Variants in EFCC1 observed in about 807,000 individuals in gnomAD.
EFCC1 encodes EF-hand and coiled-coil domain-containing protein 1.
EFCC1 carries 50 observed loss-of-function variants against 52.1 expected under a neutral mutation model. That is an observed-to-expected ratio of 0.96 (90% CI 0.76 to 1.21). The LOEUF is 1.21. Among genes scored for constraint, EFCC1 ranks in the 50% most tolerant of loss-of-function variants. The pLI is 0.00. For missense variants in EFCC1, 837 were observed against 867.3 expected, an observed-to-expected ratio of 0.97 and a Z score of 0.44; for synonymous variants, 399 against 396.5, an observed-to-expected ratio of 1.01 and a Z score of -0.08.
rs775140123 is a variant in EFCC1 at position 129,039,841 on chromosome 3, C to T, written c.1793C>T (p.Ser598Phe). The change falls in exon 8 of 8, where the codon TCC becomes TTC. Residue 598 changes from serine to phenylalanine, a missense_variant. Coordinates refer to ENST00000683648, the MANE Select transcript of EFCC1 (RefSeq NM_001377500.1). ...AAALTNPLLV[S>F]C is the part of the protein sequence containing the mutation. Reference sequence around the variant, plus strand: ...GCGCTCACCAACCCCCTCCTCGTCTCCTGCTGAGGTTACTGGCCCACCCTG... The same window carrying T: ...GCGCTCACCAACCCCCTCCTCGTCTTCTGCTGAGGTTACTGGCCCACCCTG... 7.5e-6 allele frequency: 12 copies of T among 1,604,086 alleles called. No homozygotes were observed. In the Admixed American group the frequency reaches 2.0e-4, roughly 27 times the overall value.
In EFCC1 at chr3:129,039,785, A is replaced by C; in HGVS notation, c.1737A>C (p.Arg579Ser). The stretch of plus-strand genomic sequence containing the variant: ...TGGCTGCCTGCCAGCTGTTGCGGAG[A>C]CAGCCCTCGGCACCAGCCTCTGCAG... ...QALAACQLLRRQPSAPASAAA... is the reference protein window; with the variant it reads ...QALAACQLLRSQPSAPASAAA... The change falls in exon 8 of 8, where the codon AGA becomes AGC. Residue 579 changes from arginine to serine, a missense_variant. Arg to Ser is a moderately radical substitution (Grantham distance 110). Transcript: ENST00000683648. 1 of 1,612,036 alleles carries C rather than the reference A, an allele frequency of 6.2e-7. No individual in the cohort carries two copies. Among genetic ancestry groups the C allele is most frequent in the Non-Finnish European group, 8.5e-7 (1 of 1,178,934 alleles).
chr3:129,004,536 A>G (rs942885280), intron 2 of EFCC1, among the ~76,000 whole-genome samples: 1 of 24,166 alleles, frequency 4.1e-5, no homozygotes, highest in East Asian at 9.8e-4. Context: ...CCATCCCCCC[A>G]CCCACCCAGC....
chr3:129,037,109 C>T lies in EFCC1; in HGVS notation c.1585C>T (p.Arg529Trp), dbSNP rs139451779. The T allele has an allele frequency of 8.1e-6, 13 of 1,607,100 alleles. No individual in the cohort carries two copies. The highest frequency in any genetic ancestry group is 5.3e-5 in the African/African-American group (4 of 74,858). The change falls in exon 6 of 8, where the codon CGG (arginine) becomes TGG (tryptophan). Residue 529 changes from arginine (R) to tryptophan (W), a missense_variant. Coordinates refer to ENST00000683648, the MANE Select transcript of EFCC1 (RefSeq NM_001377500.1). ...CGTGCTGCAGCTCCTGCAGAGGCTCCGGGACCTGGTAGGCTCACGGGAGAG... is the reference window on the plus strand; with the variant it reads ...CGTGCTGCAGCTCCTGCAGAGGCTCTGGGACCTGGTAGGCTCACGGGAGAG... ...VDVLQLLQRLRDLNISKRALG... is the reference protein window; with the variant it reads ...VDVLQLLQRLWDLNISKRALG...
chr3:129,004,098 TG>T, intron 2 of EFCC1, 21 bp downstream of exon 2: 1 of 1,472,408 alleles, frequency 6.8e-7, no homozygotes, highest in Non-Finnish European at 8.9e-7. Context: ...GCGCGTGCCC[TG>T]GGCCCAAGTT....
At chr3:129,003,680 A>G in intron 1 of EFCC1, 114 bp from the exon 2 acceptor site, 1 of 1,054,448 alleles carries the variant, frequency 9.5e-7, no homozygotes, top group Non-Finnish European at 1.2e-6. Context: ...GGCGCAAGAA[A>G]CGTGCTCAAG....
intron 2 of EFCC1, among the ~76,000 whole-genome samples, chr3:129,025,410 A>G (rs112625587): frequency 9.9e-5 from 15 of 152,280 alleles, no homozygotes; most frequent in African/African-American, 3.1e-4. Flanking sequence ...CTGATGTCCA[A>G]TCCTTTCTCT....
At position 129,002,124 on chromosome 3, in the gene EFCC1, C is replaced by G. The variant is rs1344347252; in HGVS notation, c.496C>G (p.Leu166Val). 2.0e-6 allele frequency: 3 copies of G among 1,476,690 alleles called. No individual in the cohort carries two copies. Among genetic ancestry groups the G allele is most frequent in the African/African-American group, 1.5e-5 (1 of 67,630 alleles). 91.5% of individuals were successfully genotyped at this position (1,476,690 alleles called of 1,614,324 possible). Residue 166 changes from leucine (L) to valine (V), a missense_variant, in exon 1 of 8, where the codon CTC (leucine) becomes GTC (valine). By Grantham distance (32) the Leu-to-Val change is conservative. Coordinates refer to ENST00000683648, the MANE Select transcript of EFCC1 (RefSeq NM_001377500.1). Reference sequence around the variant, plus strand: ...GGGGCCCCGGCTGCCCCGCGGCGCTCTCAGCGAGCACATCGAGACGCAGAT... The same window carrying G: ...GGGGCCCCGGCTGCCCCGCGGCGCTGTCAGCGAGCACATCGAGACGCAGAT... ...RAGPRLPRGA[L>V]SEHIETQIRL...
chr3:129,029,628 A>G (rs1178224857), intron 2 of EFCC1, among the ~76,000 whole-genome samples: 1 of 150,856 alleles, frequency 6.6e-6, no homozygotes, highest in Non-Finnish European at 1.5e-5. Flanking sequence ...CCCAGGCTGG[A>G]GTGCAGTGGT....
chr3:129,005,908 G>C (rs1341819491), intron 2 of EFCC1, among the ~76,000 whole-genome samples: 1 of 152,270 alleles, frequency 6.6e-6, no homozygotes, highest in Non-Finnish European at 1.5e-5. Context: ...TATCCAAGAG[G>C]AGAAATAAAG....
In EFCC1 at chr3:129,030,826, A is replaced by G. The variant is rs1296027775; in HGVS notation, c.1104A>G (p.Ser368=). ...CCACTCCAGAGGGAGCCTGGCAGTCAGACAGCAGCTCTGGAAGCAGAGCCC... is the reference window on the plus strand; with the variant it reads ...CCACTCCAGAGGGAGCCTGGCAGTCGGACAGCAGCTCTGGAAGCAGAGCCC... The part of the protein sequence containing the change: ...PDPTPEGAWQ[S]DSSSGSRALD... The change falls in exon 3 of 8, where the codon TCA becomes TCG. Residue 368 remains serine (S), a synonymous_variant. Coordinates refer to ENST00000683648, the MANE Select transcript of EFCC1 (RefSeq NM_001377500.1). 3.9e-6 allele frequency: 6 copies of G among 1,551,534 alleles called. No homozygotes were observed. The highest frequency in any genetic ancestry group is 5.2e-6 in the Non-Finnish European group (6 of 1,146,892).
chr3:129,031,028 C>T (rs1946261992), intron 3 of EFCC1, among the ~76,000 whole-genome samples, 168 bp downstream of exon 3: 1 of 152,210 alleles, frequency 6.6e-6, no homozygotes, highest in Non-Finnish European at 1.5e-5. Context: ...CCAGCCCCAT[C>T]ATCCTAAGAA....
chr3:129,010,788 A>G lies in EFCC1; in HGVS notation c.980+6711A>G, dbSNP rs1405742656. ...GGGTGTGTGGGTGGCCTTGGTGAGA[A>G]AAGAGGCCTTTCCTCCTCCAGGAAC... is the stretch of plus-strand genomic sequence containing the variant. On this transcript the variant is annotated intron_variant, in intron 2 of 7. Coordinates refer to ENST00000683648, the MANE Select transcript of EFCC1 (RefSeq NM_001377500.1). The surrounding 1 kb of genome is among the most constrained non-coding windows in gnomAD (Gnocchi z 4.3). 1.3e-5 allele frequency among the ~76,000 whole-genome samples: 2 copies of G among 152,094 alleles called. No homozygotes were observed. Among genetic ancestry groups the G allele is most frequent in the Non-Finnish European group, 2.9e-5 (2 of 68,004 alleles).
rs573339069 is a variant in EFCC1, at chr3:129,024,696, C to T, written c.981-6007C>T. On this transcript the variant is annotated intron_variant, in intron 2 of 7. Coordinates refer to ENST00000683648, the MANE Select transcript of EFCC1 (RefSeq NM_001377500.1). ...AGGGAGAGAGGGAGACAAACGCATT[C>T]CTGTATCTGGAGCCCACTCCTGCAG... is the stretch of plus-strand genomic sequence containing the variant. Among the ~76,000 whole-genome samples, 38 of 152,194 alleles carry T rather than the reference C, an allele frequency of 2.5e-4. 1 individual carries two copies. The highest frequency in any genetic ancestry group is 8.3e-4 in the South Asian group (4 of 4,816).
intron 2 of EFCC1, among the ~76,000 whole-genome samples, chr3:129,029,922 T>C (rs1401188671): frequency 1.3e-5 from 2 of 150,036 alleles, no homozygotes; most frequent in Non-Finnish European, 3.0e-5. Flanking sequence ...CAGTGGCTCA[T>C]GGCTGTAATC....
intron 3 of EFCC1, among the ~76,000 whole-genome samples, chr3:129,031,936 G>A (rs1157599818): frequency 6.6e-6 from 1 of 152,164 alleles, no homozygotes; most frequent in Non-Finnish European, 1.5e-5. Flanking sequence ...ACTCAGCCTG[G>A]CCGGGCCTGA....
intron 1 of EFCC1, 78 bp from the exon 2 acceptor site, chr3:129,003,716 C>T: frequency 8.0e-7 from 1 of 1,245,624 alleles, no homozygotes; most frequent in Non-Finnish European, 1.0e-6. Context: ...AGGCATGGGG[C>T]CGCCGTCGTG....
intron 2 of EFCC1, among the ~76,000 whole-genome samples, chr3:129,027,625 A>C (rs1946162812): frequency 6.6e-6 from 1 of 152,156 alleles, no homozygotes; most frequent in South Asian, 2.1e-4. Flanking sequence ...ATTTGGTCAT[A>C]GGAAGTCCAC....
chr3:129,035,006 C>T (rs1946337908), intron 5 of EFCC1, among the ~76,000 whole-genome samples: 1 of 152,186 alleles, frequency 6.6e-6, no homozygotes, highest in Admixed American at 6.5e-5. Flanking sequence ...ACGACCACTT[C>T]GCATTTCTCA....
At chr3:129,031,556 CA>C (rs1946273378) in intron 3 of EFCC1, among the ~76,000 whole-genome samples, 1 of 152,172 alleles carries the variant, frequency 6.6e-6, no homozygotes, top group African/African-American at 2.4e-5. Flanking sequence ...ACAGCTGTAT[CA>C]GTTAGGACAT....
Sources: gnomAD v4.1 joint callset for allele counts (sites outside exome capture counted in the v4.1 genomes callset) on GRCh38, gnomAD v4.1.1 for gene constraint, Gnocchi (gnomAD v3.1) non-coding constraint, MANE v1.5 for transcripts, NCBI Gene and HGNC (gene_info 2026-07-23, HGNC 2026-07-21) for gene names.